The following RTN4 variants were observed in gnomAD, a reference collection of about 807,000 sequenced individuals.
RTN4 encodes the protein reticulon-4.
A neutral mutation model predicts 90.4 loss-of-function variants in RTN4; 32 were observed. The ratio of observed to expected loss-of-function variants is 0.35; its 90% confidence interval spans 0.27 to 0.48. The LOEUF is 0.48. Ranked by LOEUF, RTN4 falls within the 20% of genes least tolerant of loss-of-function variation. RTN4 has a pLI of 0.99. For synonymous variants in RTN4, 629 were observed against 552.5 expected, an observed-to-expected ratio of 1.14 and a Z score of -1.94; for missense variants, 1,706 against 1,430.2, an observed-to-expected ratio of 1.19 and a Z score of -3.11.
At chr2:55,018,308 AC>A (rs775763383) in intron 3 of RTN4, among the ~76,000 whole-genome samples, 21 of 152,294 alleles carry the variant, frequency 1.4e-4, no homozygotes, top group Non-Finnish European at 2.6e-4. Context: ...TCAGTTAAAA[AC>A]CTAAAACTGG....
chr2:54,987,137 C>G (rs746291108), intron 4 of RTN4, among the ~76,000 whole-genome samples: 13 of 151,928 alleles, frequency 8.6e-5, no homozygotes, highest in Non-Finnish European at 1.5e-4. Context: ...TATCAGAAAG[C>G]ACGTTATCAG....
the RTN4 span, among the ~76,000 whole-genome samples, chr2:55,123,519 T>C: frequency 3.3e-5 from 5 of 152,112 alleles, no homozygotes; most frequent in Admixed American, 6.6e-5. Flanking sequence ...AAAATGACTG[T>C]CACTTTCAAT....
chr2:55,027,521 C>A, intron 2 of RTN4, 36 bp from the exon 3 acceptor site: 2 of 1,554,932 alleles, frequency 1.3e-6, no homozygotes, highest in Non-Finnish European at 1.7e-6. Flanking sequence ...TTAGAGAATG[C>A]CAGTGTTCTC....
chr2:54,987,556 G>A lies in RTN4; in HGVS notation c.3156C>T (p.Ile1052=). ...TCACACCCTTGTATATCCTAAAGCT[G>A]ATGGTCACAGAGAGCAGGGCCAAGG... ...YIALALLSVT[I]SFRIYKGVIQ... The change falls in exon 4 of 9, where the codon ATC becomes ATT. Residue 1052 remains isoleucine, a synonymous_variant. Coordinates refer to ENST00000337526, the MANE Select transcript of RTN4 (RefSeq NM_020532.5). 6.2e-7 allele frequency: 1 copy of A among 1,614,154 alleles called. No individual in the cohort carries two copies.
At chr2:55,066,652 C>T (rs1431513500) in intron 2 of RTN4, among the ~76,000 whole-genome samples, 1 of 151,874 alleles carries the variant, frequency 6.6e-6, no homozygotes, top group East Asian at 1.9e-4. Flanking sequence ...CAAGATCGTG[C>T]CACTGCACTC....
intron 3 of RTN4, among the ~76,000 whole-genome samples, chr2:54,998,547 A>G (rs1006020580): frequency 6.6e-6 from 1 of 152,188 alleles, no homozygotes; most frequent in Non-Finnish European, 1.5e-5. Context: ...CATTTATTAA[A>G]TAACAAATAA....
chr2:54,977,066 T>G (rs1423183168), intron 5 of RTN4, among the ~76,000 whole-genome samples: 3 of 152,222 alleles, frequency 2.0e-5, no homozygotes, highest in Non-Finnish European at 4.4e-5. Context: ...CTCTGCAGAT[T>G]TGTGATGTTT....
At chr2:55,137,386 G>C in the RTN4 span, among the ~76,000 whole-genome samples, 1 of 152,310 alleles carries the variant, frequency 6.6e-6, no homozygotes, top group East Asian at 1.9e-4. Flanking sequence ...AGTCAGGAAA[G>C]AGCCAGACCA....
chr2:55,109,409 T>C (rs776421778), intron 1 of RTN4, among the ~76,000 whole-genome samples: 2 of 152,104 alleles, frequency 1.3e-5, no homozygotes, highest in African/African-American at 2.4e-5. Context: ...TTAACTGTGC[T>C]TACAAAAGCA....
chr2:54,973,742 T>A, intron 7 of RTN4, 79 bp downstream of exon 7: 11 of 1,507,760 alleles, frequency 7.3e-6, no homozygotes, highest in Non-Finnish European at 1.0e-5. Context: ...ACATTGAAAA[T>A]GGGCACTAAT....
At position 55,050,208 on chromosome 2, in the gene RTN4, G is replaced by C; in HGVS notation, c.93C>G (p.Pro31=). 1.9e-6 allele frequency: 3 copies of C among 1,567,626 alleles called. No homozygotes were observed. The highest frequency in any genetic ancestry group is 2.6e-6 in the Non-Finnish European group (3 of 1,160,406). Reference sequence around the variant, plus strand: ...CCTCCTCTTCTTCCTCCTCGTCCTCGGGCTCCCTCACGAACTGGTACTTGA... The same window carrying C: ...CCTCCTCTTCTTCCTCCTCGTCCTCCGGCTCCCTCACGAACTGGTACTTGA... ...PAFKYQFVRE[P]EDEEEEEEEE... Residue 31 remains proline, a synonymous_variant, in exon 1 of 9, where the codon CCC becomes CCG. Coordinates refer to ENST00000337526, the MANE Select transcript of RTN4 (RefSeq NM_020532.5). The surrounding 1 kb of genome is among the most constrained non-coding windows in gnomAD (Gnocchi z 4.6).
At chr2:55,092,843 TTCACATGG>T (rs1668964564) in intron 1 of RTN4, among the ~76,000 whole-genome samples, 1 of 152,250 alleles carries the variant, frequency 6.6e-6, no homozygotes, top group Non-Finnish European at 1.5e-5. Flanking sequence ...CCCAGGAAAA[TTCACATGG>T]GGTGAAGTTT....
chr2:55,033,861 A>G (rs774867085), intron 1 of RTN4, among the ~76,000 whole-genome samples: 4 of 152,112 alleles, frequency 2.6e-5, no homozygotes, highest in African/African-American at 4.8e-5. Flanking sequence ...CACCTCAAAC[A>G]TTTTTCTTTT....
At chr2:55,091,599 A>G (rs904276318) in intron 1 of RTN4, among the ~76,000 whole-genome samples, 2 of 152,218 alleles carry the variant, frequency 1.3e-5, no homozygotes, top group African/African-American at 2.4e-5. Context: ...AGGCCGAGGC[A>G]GGAGGATTGC....
intron 2 of RTN4, among the ~76,000 whole-genome samples, chr2:55,060,425 C>A (rs1668268972): frequency 6.6e-6 from 1 of 152,194 alleles, no homozygotes; most frequent in South Asian, 2.1e-4. Context: ...GATCTCTTGA[C>A]AGATGTCTGC....
At chr2:55,046,602 CTTTA>C (rs1244155164) in intron 1 of RTN4, among the ~76,000 whole-genome samples, 1 of 152,148 alleles carries the variant, frequency 6.6e-6, no homozygotes, top group Non-Finnish European at 1.5e-5. Context: ...ATTCTGGGTT[CTTTA>C]TTTATGTGCT....
At chr2:55,043,564 C>A (rs565111786) in intron 1 of RTN4, among the ~76,000 whole-genome samples, 19 of 152,020 alleles carry the variant, frequency 1.2e-4, no homozygotes, top group African/African-American at 3.6e-4. Context: ...ACCAACCTGG[C>A]CAACATAGTA....
intron 2 of RTN4, among the ~76,000 whole-genome samples, chr2:55,078,982 G>A (rs906572943): frequency 6.6e-6 from 1 of 152,316 alleles, no homozygotes; most frequent in East Asian, 1.9e-4. Context: ...ACAAACGGGA[G>A]CCAGTAGACC....
At chr2:55,010,431 A>G in intron 3 of RTN4, 1 of 1,029,004 alleles carries the variant, frequency 9.7e-7, no homozygotes, top group Non-Finnish European at 1.2e-6. Flanking sequence ...TTGCAGGGAG[A>G]GGGCAGGCTA....
Sources: gnomAD v4.1 joint callset for allele counts (sites outside exome capture counted in the v4.1 genomes callset) on GRCh38, gnomAD v4.1.1 for gene constraint, Gnocchi (gnomAD v3.1) non-coding constraint, MANE v1.5 for transcripts, NCBI Gene and HGNC (gene_info 2026-07-23, HGNC 2026-07-21) for gene names.